The following SPAG16 variants were observed in gnomAD, a reference collection of about 807,000 sequenced individuals.
The protein encoded by SPAG16 is sperm associated antigen 16.
Under a neutral mutation model 80.4 loss-of-function variants are expected in SPAG16, and 86 were observed. That is an observed-to-expected ratio of 1.07 (90% CI 0.90 to 1.28). The LOEUF (loss-of-function observed/expected upper bound fraction) is 1.28. Among genes scored for constraint, SPAG16 ranks in the 50% most tolerant of loss-of-function variants. The probability of loss-of-function intolerance (pLI) is 0.00; values close to 1 mark genes in which losing one functional copy is unlikely to be tolerated. For synonymous variants in SPAG16, 294 were observed against 265.9 expected, an observed-to-expected ratio of 1.11 and a Z score of -1.03; for missense variants, 870 against 765.3, an observed-to-expected ratio of 1.14 and a Z score of -1.61.
rs1222684567 is a variant in SPAG16, at chr2:213,814,653, A to G, written c.1071-47832A>G. 2.6e-5 allele frequency among the ~76,000 whole-genome samples: 4 copies of G among 152,074 alleles called. No individual in the cohort carries two copies. The East Asian group carries it at 7.7e-4, about 29-fold the overall frequency. On this transcript the variant is annotated intron_variant, in intron 10 of 15. Coordinates refer to ENST00000331683, the MANE Select transcript of SPAG16 (RefSeq NM_024532.5). Reference sequence around the variant, plus strand: ...AAAAATACAAAAATTACCTGGGCATAGTGGCACACGCCTGTAATCCCAGCT... The same window carrying G: ...AAAAATACAAAAATTACCTGGGCATGGTGGCACACGCCTGTAATCCCAGCT...
chr2:214,076,513 C>CTG lies in SPAG16; in HGVS notation c.1528-31655_1528-31654dup, dbSNP rs71399105. Among the ~76,000 whole-genome samples the CTG allele has an allele frequency of 7.5e-3, 1,069 of 143,402 alleles. 8 individuals carry two copies. The highest frequency in any genetic ancestry group is 0.022 in the African/African-American group (826 of 37,906). 94.1% of individuals were successfully genotyped at this position (143,402 alleles called of 152,430 possible). On this transcript the variant is annotated intron_variant, in intron 13 of 15. Transcript: ENST00000331683. ...TTATTTTAATTCTTCTTATTTTATT[C>CTG]TGTGTGTGTGTGTGTGTGTGTGTGT...
At chr2:214,297,573 AT>A (rs1056741589) in intron 15 of SPAG16, among the ~76,000 whole-genome samples, 2 of 151,854 alleles carry the variant, frequency 1.3e-5, no homozygotes, top group African/African-American at 4.8e-5. Flanking sequence ...ATTGGATGAT[AT>A]TGTTTATTAT....
chr2:214,400,662 ACT>A (rs1261039595), intron 15 of SPAG16, among the ~76,000 whole-genome samples: 4 of 151,984 alleles, frequency 2.6e-5, no homozygotes, highest in South Asian at 4.1e-4. Flanking sequence ...TCTAAAACAG[ACT>A]CTGTGCAATA....
In SPAG16 at chr2:214,059,822, A is replaced by G. The variant is rs183354181; in HGVS notation, c.1527+45745A>G. On this transcript the variant is annotated intron_variant, in intron 13 of 15. Coordinates refer to ENST00000331683, the MANE Select transcript of SPAG16 (RefSeq NM_024532.5). Reference sequence around the variant, plus strand: ...TGGGGATATTATGGGTTCTGAGCTAAGGCAGACTTTCAGTGGAGGATGGTG... The same window carrying G: ...TGGGGATATTATGGGTTCTGAGCTAGGGCAGACTTTCAGTGGAGGATGGTG... 2.0e-5 allele frequency among the ~76,000 whole-genome samples: 3 copies of G among 152,184 alleles called. No individual in the cohort carries two copies. The East Asian group carries it at 5.8e-4, about 29-fold the overall frequency.
At chr2:214,283,847 T>C (rs1693147587) in intron 15 of SPAG16, among the ~76,000 whole-genome samples, 1 of 152,144 alleles carries the variant, frequency 6.6e-6, no homozygotes, top group Non-Finnish European at 1.5e-5. Flanking sequence ...ATTTGTACAA[T>C]AGCACTTTGA....
intron 11 of SPAG16, among the ~76,000 whole-genome samples, chr2:213,885,977 T>G (rs1244002745): frequency 1.3e-5 from 2 of 152,176 alleles, no homozygotes; most frequent in African/African-American, 4.8e-5. Flanking sequence ...AACTCTATTT[T>G]TATGCTTAGC....
chr2:214,030,107 T>G (rs538489549), intron 13 of SPAG16, among the ~76,000 whole-genome samples: 4 of 152,252 alleles, frequency 2.6e-5, no homozygotes, highest in Admixed American at 2.0e-4. Context: ...AATGGAAACT[T>G]TATATTCATT....
intron 10 of SPAG16, among the ~76,000 whole-genome samples, chr2:213,750,864 T>A (rs1449475279): frequency 6.6e-6 from 1 of 152,232 alleles, no homozygotes; most frequent in Non-Finnish European, 1.5e-5. Context: ...TAATATGGGT[T>A]GCATCCTCAT....
Position 214,364,733 on chromosome 2 carries a change from A to G in SPAG16, c.1721-45407A>G, listed in dbSNP as rs529742735. On this transcript the variant is annotated intron_variant, in intron 15 of 15. Coordinates refer to ENST00000331683, the MANE Select transcript of SPAG16 (RefSeq NM_024532.5). The stretch of plus-strand genomic sequence containing the variant: ...CAGAAGGCTACCTTAGCTGAAATAC[A>G]GGGACACTTTGGAGGAAGAATTCAT... Among the ~76,000 whole-genome samples, 9 of 152,320 alleles carry G rather than the reference A, an allele frequency of 5.9e-5. 1 individual carries two copies. In the South Asian group the frequency reaches 1.4e-3, roughly 25 times the overall value.
chr2:214,254,691 G>A (rs780159099), intron 15 of SPAG16, among the ~76,000 whole-genome samples: 1 of 151,986 alleles, frequency 6.6e-6, no homozygotes, highest in Non-Finnish European at 1.5e-5. Flanking sequence ...CTATTTGTTT[G>A]AGAAAACGAT....
At chr2:214,086,016 G>T (rs1306667447) in intron 13 of SPAG16, among the ~76,000 whole-genome samples, 1 of 152,124 alleles carries the variant, frequency 6.6e-6, no homozygotes, top group Admixed American at 6.5e-5. Context: ...CTCCTTTTGA[G>T]ATTAAAATTT....
At chr2:213,364,486 T>G (rs2066169235) in intron 8 of SPAG16, 1 of 158,358 alleles carries the variant, frequency 6.3e-6, no homozygotes, top group South Asian at 2.0e-4. Context: ...CAGAAGGCAA[T>G]TGACAGAAGG....
At chr2:213,414,106 C>T (rs536231481) in intron 9 of SPAG16, among the ~76,000 whole-genome samples, 66 of 152,224 alleles carry the variant, frequency 4.3e-4, no homozygotes, top group African/African-American at 1.6e-3. Flanking sequence ...TTCATTTTAA[C>T]CACTCTTTTC....
intron 11 of SPAG16, among the ~76,000 whole-genome samples, chr2:213,866,680 A>T (rs1192175698): frequency 3.9e-5 from 6 of 152,286 alleles, no homozygotes; most frequent in Admixed American, 3.3e-4. Flanking sequence ...TACAGGAAAT[A>T]GTTCAAGAGG....
intron 10 of SPAG16, among the ~76,000 whole-genome samples, chr2:213,777,708 T>TAGGAGA: frequency 6.6e-6 from 1 of 152,214 alleles, no homozygotes; most frequent in Non-Finnish European, 1.5e-5. Context: ...AACTAATTTT[T>TAGGAGA]GTATTTTTAG....
In SPAG16 at chr2:214,103,025, A is replaced by C. The variant is rs536379096; in HGVS notation, c.1528-5171A>C. ...GCGCAGTGTTTTCCTTACCCTTTGG[A>C]ATTGAGCACAGGCATGCAGTGTGTT... On this transcript the variant is annotated intron_variant, in intron 13 of 15. Transcript: ENST00000331683. Among the ~76,000 whole-genome samples, 8 of 152,074 alleles carry C rather than the reference A, an allele frequency of 5.3e-5. No homozygotes were observed. In the East Asian group the frequency reaches 1.6e-3, roughly 30 times the overall value.
intron 15 of SPAG16, among the ~76,000 whole-genome samples, chr2:214,194,319 A>T (rs2057762432): frequency 6.6e-6 from 1 of 152,082 alleles, no homozygotes; most frequent in African/African-American, 2.4e-5. Context: ...ATATGCACTA[A>T]TACACATATG....
At chr2:214,192,777 T>C (rs2057703372) in intron 15 of SPAG16, among the ~76,000 whole-genome samples, 1 of 152,138 alleles carries the variant, frequency 6.6e-6, no homozygotes. Flanking sequence ...GTTTACAAAA[T>C]TGTGCCCATA....
chr2:214,085,697 A>T (rs541597454), intron 13 of SPAG16, among the ~76,000 whole-genome samples: 14 of 152,312 alleles, frequency 9.2e-5, no homozygotes, highest in Middle Eastern at 3.4e-3. Flanking sequence ...CTACAAAGAG[A>T]ACAATTCCAA....
Sources: gnomAD v4.1 joint callset for allele counts (sites outside exome capture counted in the v4.1 genomes callset) on GRCh38, gnomAD v4.1.1 for gene constraint, MANE v1.5 for transcripts, NCBI Gene and HGNC (gene_info 2026-07-23, HGNC 2026-07-21) for gene names.